KANK1: variants seen among roughly 807,000 people sequenced by gnomAD.
KANK1 encodes the protein KN motif and ankyrin repeat domains 1, also known as KN motif and ankyrin repeat domain-containing protein 1.
In KANK1, 109 loss-of-function variants were observed where a neutral mutation model predicts 106.2. The observed-to-expected ratio is 1.03, with a 90% CI of 0.88 to 1.20. The LOEUF (loss-of-function observed/expected upper bound fraction) is 1.20. Among genes scored for constraint, KANK1 ranks in the 50% most tolerant of loss-of-function variants. KANK1 has a pLI of 0.00. For missense variants in KANK1, 2,399 were observed against 1,710.7 expected (o/e 1.40, Z -7.10); for synonymous variants, 873 against 652.2 (o/e 1.34, Z -5.16).
chr9:593,786 G>C (rs1000968908), intron 1 of KANK1, among the ~76,000 whole-genome samples: 2 of 151,854 alleles, frequency 1.3e-5, no homozygotes, highest in Non-Finnish European at 1.5e-5. Context: ...CCAAATTTAT[G>C]AAAATGAACA....
chr9:683,052 C>T (rs555178314), intron 2 of KANK1, among the ~76,000 whole-genome samples: 9 of 152,262 alleles, frequency 5.9e-5, no homozygotes, highest in African/African-American at 2.2e-4. Context: ...GGCTAGAACC[C>T]ACCTGGTGTT....
intron 1 of KANK1, among the ~76,000 whole-genome samples, chr9:559,488 C>T (rs1815800768): frequency 6.6e-6 from 1 of 151,900 alleles, no homozygotes; most frequent in African/African-American, 2.4e-5. Context: ...TTTGAGTGTC[C>T]AGGCCTGGTT....
chr9:472,062 G>A (rs566644690), intron 2 of KANK1, among the ~76,000 whole-genome samples: 27 of 152,202 alleles, frequency 1.8e-4, no homozygotes, highest in African/African-American at 6.5e-4. Context: ...ATCCCCATAC[G>A]CCAAAACACT....
At chr9:537,301 C>T (rs558347096) in intron 1 of KANK1, among the ~76,000 whole-genome samples, 5 of 152,262 alleles carry the variant, frequency 3.3e-5, no homozygotes, top group African/African-American at 1.2e-4. Flanking sequence ...CGAGAAGCCT[C>T]CTCTCCACTT....
At chr9:586,867 C>A (rs1471777897) in intron 1 of KANK1, among the ~76,000 whole-genome samples, 1 of 152,116 alleles carries the variant, frequency 6.6e-6, no homozygotes, top group South Asian at 2.1e-4. Flanking sequence ...GCCCCTGCAC[C>A]CCCAGCAGGA....
At chr9:566,515 C>T (rs913870895) in intron 1 of KANK1, among the ~76,000 whole-genome samples, 1 of 152,198 alleles carries the variant, frequency 6.6e-6, no homozygotes, top group African/African-American at 2.4e-5. Flanking sequence ...ACCTCGCCAG[C>T]ACCTGTTATG....
At chr9:628,233 G>A (rs1416852025) in intron 1 of KANK1, among the ~76,000 whole-genome samples, 4 of 152,236 alleles carry the variant, frequency 2.6e-5, no homozygotes, top group Middle Eastern at 3.4e-3. Flanking sequence ...ACCTGCTCCT[G>A]GCTGCAGAGT....
intron 1 of KANK1, among the ~76,000 whole-genome samples, chr9:660,848 T>C (rs973485761): frequency 6.6e-6 from 1 of 152,144 alleles, no homozygotes; most frequent in East Asian, 1.9e-4. Context: ...CCCTTCCCAA[T>C]AGCGAGGTGA....
intron 1 of KANK1, among the ~76,000 whole-genome samples, chr9:669,551 C>G (rs975201897): frequency 6.6e-6 from 1 of 152,104 alleles, no homozygotes; most frequent in African/African-American, 2.4e-5. Context: ...AATATCATTC[C>G]ACTTCCTCCT....
chr9:735,718 G>T lies in KANK1; in HGVS notation c.3333+883G>T, dbSNP rs548565284. The T allele has an allele frequency of 1.4e-5, 6 of 440,552 alleles. No homozygotes were observed. In the East Asian group the frequency reaches 2.1e-4, roughly 16 times the overall value. The allele number at this position is 440,552 out of a possible 1,614,324, so 27.3% of individuals were successfully genotyped here. ...ATCATAATACCTAATACAGGGCCAGGTGCAGTGGCTGACACCTATGATCCC... is the reference window on the plus strand; with the variant it reads ...ATCATAATACCTAATACAGGGCCAGTTGCAGTGGCTGACACCTATGATCCC... On this transcript the variant is annotated intron_variant, in intron 7 of 11. Coordinates refer to ENST00000382297, the MANE Select transcript of KANK1 (RefSeq NM_015158.5).
chr9:554,217 C>A (rs1221541989), intron 1 of KANK1, among the ~76,000 whole-genome samples: 1 of 152,222 alleles, frequency 6.6e-6, no homozygotes, highest in Admixed American at 6.5e-5. Context: ...GTAATTCAGT[C>A]TGAGTCTGAG....
At chr9:526,199 C>T (rs912997118) in intron 1 of KANK1, among the ~76,000 whole-genome samples, 2 of 151,700 alleles carry the variant, frequency 1.3e-5, no homozygotes, top group African/African-American at 2.4e-5. Context: ...GGAGTGTGAT[C>T]CTGGTGCTGT....
intron 1 of KANK1, among the ~76,000 whole-genome samples, chr9:578,997 A>G (rs1302282025): frequency 1.3e-5 from 2 of 152,230 alleles, no homozygotes; most frequent in Non-Finnish European, 2.9e-5. Flanking sequence ...GAAAATAGGA[A>G]AAATTGACTA....
intron 1 of KANK1, among the ~76,000 whole-genome samples, chr9:625,381 CCTGA>C (rs1834104101): frequency 6.6e-6 from 1 of 152,126 alleles, no homozygotes; most frequent in South Asian, 2.1e-4. Flanking sequence ...TGGCTAACAG[CCTGA>C]CTGAGGTGAA....
intron 1 of KANK1, among the ~76,000 whole-genome samples, chr9:516,637 A>G (rs111767928): frequency 6.6e-5 from 10 of 151,592 alleles, no homozygotes; most frequent in African/African-American, 2.4e-4. Context: ...TGCGAAGTGC[A>G]GTGCAGAGAC....
chr9:610,439 A>T (rs1830299951), intron 1 of KANK1, among the ~76,000 whole-genome samples: 1 of 152,302 alleles, frequency 6.6e-6, no homozygotes, highest in African/African-American at 2.4e-5. Context: ...ATATGGGTGA[A>T]AAAATAAAGT....
At chr9:605,410 G>T (rs1828852938) in intron 1 of KANK1, among the ~76,000 whole-genome samples, 1 of 151,746 alleles carries the variant, frequency 6.6e-6, no homozygotes, top group African/African-American at 2.4e-5. Context: ...AGATGAAGGG[G>T]CATCTAAAAC....
rs563434598 is a variant in KANK1, at chr9:541,241, A to G, written c.-84+36487A>G. On this transcript the variant is annotated intron_variant, in intron 1 of 11. Transcript: ENST00000382297. The stretch of plus-strand genomic sequence containing the variant: ...GGTGTAGAAACAGACATATAGACCA[A>G]TGGAACAGAATAGAGACCCCAGAAA... Among the ~76,000 whole-genome samples, 9 of 152,336 alleles carry G rather than the reference A, an allele frequency of 5.9e-5. No individual in the cohort carries two copies. In the East Asian group the frequency reaches 1.2e-3, roughly 20 times the overall value.
At chr9:715,993 A>G (rs755259830) in intron 3 of KANK1, among the ~76,000 whole-genome samples, 10 of 152,184 alleles carry the variant, frequency 6.6e-5, no homozygotes, top group Non-Finnish European at 1.3e-4. Flanking sequence ...AGAGAATAGC[A>G]CTCACCACAG....
Sources: allele counts gnomAD v4.1 joint callset (sites outside exome capture counted in the v4.1 genomes callset), GRCh38; gene constraint gnomAD v4.1.1; transcripts MANE v1.5; gene names NCBI Gene and HGNC (gene_info 2026-07-23, HGNC 2026-07-21).